Variants in ANKS1B observed in about 807,000 individuals in gnomAD.
The protein encoded by ANKS1B is ankyrin repeat and sterile alpha motif domain-containing protein 1B.
ANKS1B carries 36 observed loss-of-function variants against 148.3 expected under a neutral mutation model. That is an observed-to-expected ratio of 0.24 (90% CI 0.19 to 0.32). The LOEUF (loss-of-function observed/expected upper bound fraction) is 0.32, where lower values mean the gene tolerates loss of function less well. ANKS1B is among the 10% of genes least tolerant of loss of function. The pLI is 1.00. For missense variants in ANKS1B, 1,157 were observed against 1,542.6 expected, an observed-to-expected ratio of 0.75 and a Z score of 4.19; for synonymous variants, 542 against 560.8, an observed-to-expected ratio of 0.97 and a Z score of 0.47.
chr12:98,791,053 T>G (rs1474575428), intron 22 of ANKS1B, among the ~76,000 whole-genome samples: 1 of 152,156 alleles, frequency 6.6e-6, no homozygotes, highest in Non-Finnish European at 1.5e-5. Flanking sequence ...TAAGAAAACA[T>G]TCACAATGAG....
At chr12:99,887,959 G>A (rs2092913401) in intron 1 of ANKS1B, among the ~76,000 whole-genome samples, 1 of 152,194 alleles carries the variant, frequency 6.6e-6, no homozygotes, top group Non-Finnish European at 1.5e-5. Context: ...TGACCTGTCT[G>A]TAGTTTGGCA....
intron 9 of ANKS1B, among the ~76,000 whole-genome samples, chr12:99,622,953 TA>T (rs1191007579): frequency 2.0e-5 from 3 of 151,112 alleles, no homozygotes; most frequent in Non-Finnish European, 4.4e-5. Context: ...AACATAAAAG[TA>T]AAAACTACAG....
chr12:98,992,899 T>G (rs1242371307), intron 17 of ANKS1B, among the ~76,000 whole-genome samples: 1 of 152,216 alleles, frequency 6.6e-6, no homozygotes, highest in Non-Finnish European at 1.5e-5. Flanking sequence ...TGTTCTCATC[T>G]TTTTTATTTT....
intron 9 of ANKS1B, among the ~76,000 whole-genome samples, chr12:99,635,318 C>G (rs1343917244): frequency 6.6e-6 from 1 of 152,136 alleles, no homozygotes; most frequent in Non-Finnish European, 1.5e-5. Flanking sequence ...ATTATAGAAG[C>G]ATTTTTCACA....
intron 17 of ANKS1B, among the ~76,000 whole-genome samples, chr12:98,976,179 G>A (rs527897974): frequency 1.4e-4 from 21 of 152,228 alleles, no homozygotes; most frequent in African/African-American, 3.9e-4. Context: ...ACTATTGGCC[G>A]GTGTTTAGTT....
chr12:99,654,664 T>C (rs1303590967), intron 9 of ANKS1B, among the ~76,000 whole-genome samples: 2 of 152,106 alleles, frequency 1.3e-5, no homozygotes, highest in South Asian at 2.1e-4. Context: ...TCTACAATGC[T>C]CCATTGTGAT....
intron 22 of ANKS1B, among the ~76,000 whole-genome samples, chr12:98,796,135 A>G (rs2098947083): frequency 6.6e-6 from 1 of 152,094 alleles, no homozygotes; most frequent in African/African-American, 2.4e-5. Flanking sequence ...GGTTTCCTCC[A>G]CTGGATTGTG....
chr12:99,789,457 A>G (rs981061428), intron 4 of ANKS1B, among the ~76,000 whole-genome samples: 1 of 152,218 alleles, frequency 6.6e-6, no homozygotes, highest in Non-Finnish European at 1.5e-5. Context: ...AATGAATTAC[A>G]TAAGGCACCA....
At chr12:99,560,771 A>T (rs781045659) in intron 9 of ANKS1B, among the ~76,000 whole-genome samples, 5 of 147,836 alleles carry the variant, frequency 3.4e-5, no homozygotes, top group African/African-American at 4.9e-5. Context: ...CTCAGTATTG[A>T]TGGCTGCTGA....
At chr12:99,948,298 A>G (rs900787045) in intron 1 of ANKS1B, among the ~76,000 whole-genome samples, 1 of 152,166 alleles carries the variant, frequency 6.6e-6, no homozygotes, top group African/African-American at 2.4e-5. Context: ...GGAAGGAAAG[A>G]AATCAAGGAA....
At chr12:99,614,273 A>C (rs1428632814) in intron 9 of ANKS1B, among the ~76,000 whole-genome samples, 2 of 151,968 alleles carry the variant, frequency 1.3e-5, no homozygotes, top group Non-Finnish European at 2.9e-5. Flanking sequence ...CGTCTCTACC[A>C]AAAATACAAA....
chr12:99,961,023 T>C (rs1566089345), intron 1 of ANKS1B, among the ~76,000 whole-genome samples: 1 of 152,074 alleles, frequency 6.6e-6, no homozygotes, highest in Non-Finnish European at 1.5e-5. Flanking sequence ...AGGTCAGGAA[T>C]TCAAGACCAG....
At chr12:99,417,927 A>G (rs1467090706) in intron 11 of ANKS1B, among the ~76,000 whole-genome samples, 1 of 152,218 alleles carries the variant, frequency 6.6e-6, no homozygotes. Flanking sequence ...GTAGGATGAT[A>G]TCTTCAAACT....
chr12:99,501,191 T>C (rs142095482), intron 10 of ANKS1B, among the ~76,000 whole-genome samples: 56 of 152,298 alleles, frequency 3.7e-4, no homozygotes, highest in African/African-American at 1.3e-3. Context: ...ACAGTCATTG[T>C]ATAGTCTACA....
chr12:99,698,478 C>A (rs116884136), intron 8 of ANKS1B, among the ~76,000 whole-genome samples: 6,408 of 151,988 alleles, frequency 0.042, 231 homozygotes, highest in Non-Finnish European at 0.061. Context: ...CTATTGGGAA[C>A]TGGGATTTTC....
At chr12:99,554,463 A>G (rs996259860) in intron 9 of ANKS1B, among the ~76,000 whole-genome samples, 1 of 152,320 alleles carries the variant, frequency 6.6e-6, no homozygotes, top group African/African-American at 2.4e-5. Flanking sequence ...TGGAAGGTGG[A>G]AAGGAGAGTC....
intron 17 of ANKS1B, among the ~76,000 whole-genome samples, chr12:98,872,530 A>C (rs201376): frequency 0.59 from 90,323 of 151,914 alleles, 27,165 homozygotes; most frequent in African/African-American, 0.68. Flanking sequence ...CAGAGCTAGA[A>C]CCTATCTCAA....
downstream of ANKS1B, among the ~76,000 whole-genome samples, chr12:98,740,346 TCTC>T (rs752990640): frequency 4.2e-4 from 64 of 152,248 alleles, no homozygotes; most frequent in Admixed American, 3.3e-4. Context: ...TCATTGCCAG[TCTC>T]CTCCTTTAGC....
At chr12:99,467,238 A>G (rs2096136854) in intron 10 of ANKS1B, among the ~76,000 whole-genome samples, 1 of 152,190 alleles carries the variant, frequency 6.6e-6, no homozygotes, top group African/African-American at 2.4e-5. Flanking sequence ...AAAATTCAAC[A>G]ATGCTTCATT....
Sources: gnomAD v4.1 joint callset for allele counts (sites outside exome capture counted in the v4.1 genomes callset) on GRCh38, gnomAD v4.1.1 for gene constraint, MANE v1.5 for transcripts, NCBI Gene and HGNC (gene_info 2026-07-23, HGNC 2026-07-21) for gene names.